TENM2: variants seen among roughly 807,000 people sequenced by gnomAD.
The protein encoded by TENM2 is teneurin transmembrane protein 2.
In TENM2, 52 loss-of-function variants were observed where a neutral mutation model predicts 245.2. That is an observed-to-expected ratio of 0.21 (90% confidence interval 0.17 to 0.27). The LOEUF is 0.27. TENM2 is among the 10% of genes least tolerant of loss of function. The probability of loss-of-function intolerance (pLI) is 1.00; values close to 1 mark genes in which losing one functional copy is unlikely to be tolerated. For missense variants in TENM2, 3,046 were observed against 3,666.8 expected (o/e 0.83, Z 4.37); for synonymous variants, 1,363 against 1,438.9 (o/e 0.95, Z 1.19).
rs538257618 is a variant in TENM2 at position 167,453,827 on chromosome 5, A to G, written c.502+78354A>G. 5.9e-5 allele frequency among the ~76,000 whole-genome samples: 9 copies of G among 152,362 alleles called. No individual in the cohort carries two copies. In the South Asian group the frequency reaches 1.9e-3, roughly 32 times the overall value. ...TTCTTCTGTGGTTATTTTGGCATGC[A>G]GGAATTCAGATTCATTTTGGAATAT... is the stretch of plus-strand genomic sequence containing the variant. On this transcript the variant is annotated intron_variant, in intron 2 of 28. Transcript: ENST00000518659.
intron 9 of TENM2, among the ~76,000 whole-genome samples, chr5:168,117,437 A>C (rs1471263969): frequency 2.6e-5 from 4 of 152,138 alleles, no homozygotes. Context: ...AACCCTACAC[A>C]TACCATGTTT....
chr5:167,326,262 CTA>C (rs1757070558), intron 1 of TENM2, among the ~76,000 whole-genome samples: 1 of 152,098 alleles, frequency 6.6e-6, no homozygotes, highest in Non-Finnish European at 1.5e-5. Flanking sequence ...ACATAATTTA[CTA>C]TGTTTTGATA....
intron 2 of TENM2, among the ~76,000 whole-genome samples, chr5:167,467,846 C>T (rs2127503630): frequency 6.6e-6 from 1 of 152,126 alleles, no homozygotes; most frequent in East Asian, 1.9e-4. Flanking sequence ...TATTTGGTTA[C>T]CTCATATATT....
chr5:167,844,887 G>A (rs370959193), intron 2 of TENM2, among the ~76,000 whole-genome samples: 37 of 146,762 alleles, frequency 2.5e-4, no homozygotes, highest in East Asian at 7.9e-4. Context: ...TTCTATCTTC[G>A]CCCCTTCAGT....
chr5:167,363,517 G>A (rs1425674788), intron 1 of TENM2, among the ~76,000 whole-genome samples: 1 of 151,924 alleles, frequency 6.6e-6, no homozygotes, highest in African/African-American at 2.4e-5. Flanking sequence ...GGATCACAAG[G>A]TCAGGAGGTC....
intron 2 of TENM2, among the ~76,000 whole-genome samples, chr5:167,637,310 A>G (rs1307719114): frequency 2.0e-5 from 3 of 152,194 alleles, no homozygotes; most frequent in Non-Finnish European, 4.4e-5. Context: ...CGAAAAAAAT[A>G]TGATTTGGTC....
chr5:167,055,268 A>G, the TENM2 span, among the ~76,000 whole-genome samples: 3 of 152,204 alleles, frequency 2.0e-5, no homozygotes, highest in Non-Finnish European at 4.4e-5. Context: ...CAGTTGTTCT[A>G]GCCTAATTTT....
chr5:168,250,096 CTGGATGAGTGGATGGATGGA>C (rs1766967422), intron 27 of TENM2, among the ~76,000 whole-genome samples: 2 of 148,268 alleles, frequency 1.3e-5, no homozygotes, highest in Non-Finnish European at 3.0e-5. Flanking sequence ...GGCTGGCTGG[CTGGATGAGTGGATGGATGGA>C]TGGATGGATG....
chr5:167,227,899 AGTT>A, the TENM2 span, among the ~76,000 whole-genome samples: 2 of 151,844 alleles, frequency 1.3e-5, no homozygotes, highest in Admixed American at 1.3e-4. Context: ...TTGTACACTT[AGTT>A]GTTTTATGGT....
At chr5:167,078,487 C>A in the TENM2 span, among the ~76,000 whole-genome samples, 16 of 24,716 alleles carry the variant, frequency 6.5e-4, no homozygotes, top group East Asian at 3.0e-3. Context: ...CTGTCTCAAA[C>A]AACAACAACA....
At chr5:167,077,368 C>T in the TENM2 span, among the ~76,000 whole-genome samples, 7 of 151,804 alleles carry the variant, frequency 4.6e-5, no homozygotes, top group African/African-American at 1.7e-4. Context: ...GTTATTTAAC[C>T]ATCAAAAGTA....
chr5:167,098,616 G>A, the TENM2 span, among the ~76,000 whole-genome samples: 1 of 152,162 alleles, frequency 6.6e-6, no homozygotes, highest in Non-Finnish European at 1.5e-5. Flanking sequence ...GAACCCAAGT[G>A]AGACTTTATC....
At chr5:167,916,985 A>T (rs889457531) in intron 3 of TENM2, among the ~76,000 whole-genome samples, 3 of 152,184 alleles carry the variant, frequency 2.0e-5, no homozygotes, top group African/African-American at 7.2e-5. Flanking sequence ...GTATGTAACC[A>T]TCACCCAGGG....
chr5:167,396,574 A>G (rs373651354), intron 2 of TENM2, among the ~76,000 whole-genome samples: 12 of 152,170 alleles, frequency 7.9e-5, no homozygotes, highest in African/African-American at 2.9e-4. Flanking sequence ...GGATGTCTAC[A>G]GAGCAGTGAA....
chr5:168,152,829 T>G (rs922438536), intron 12 of TENM2, among the ~76,000 whole-genome samples: 2 of 152,170 alleles, frequency 1.3e-5, no homozygotes, highest in Non-Finnish European at 2.9e-5. Flanking sequence ...TTCTTACAAG[T>G]TGAAAGGCAC....
intron 2 of TENM2, among the ~76,000 whole-genome samples, chr5:167,628,450 C>T (rs187277024): frequency 6.4e-4 from 98 of 152,312 alleles, no homozygotes; most frequent in African/African-American, 2.3e-3. Flanking sequence ...TGGTATTATG[C>T]TTTGTATGTT....
At chr5:167,466,056 T>C (rs1274002656) in intron 2 of TENM2, among the ~76,000 whole-genome samples, 3 of 152,054 alleles carry the variant, frequency 2.0e-5, no homozygotes, top group Non-Finnish European at 4.4e-5. Flanking sequence ...GACTTCCCCC[T>C]CTCCCCCCTC....
intron 1 of TENM2, among the ~76,000 whole-genome samples, chr5:167,293,781 T>A (rs1754792140): frequency 6.6e-6 from 1 of 152,206 alleles, no homozygotes; most frequent in Non-Finnish European, 1.5e-5. Context: ...ATTTGGATTT[T>A]TTTTTAAAAT....
the TENM2 span, among the ~76,000 whole-genome samples, chr5:167,159,665 A>G: frequency 2.0e-5 from 3 of 152,240 alleles, no homozygotes; most frequent in African/African-American, 7.2e-5. Flanking sequence ...CAAAGTGTCC[A>G]AACAGCACAG....
Sources: gnomAD v4.1 joint callset for allele counts (sites outside exome capture counted in the v4.1 genomes callset) on GRCh38, gnomAD v4.1.1 for gene constraint, MANE v1.5 for transcripts, NCBI Gene and HGNC (gene_info 2026-07-23, HGNC 2026-07-21) for gene names.